Variants in CDK14 observed in about 807,000 individuals in gnomAD.
CDK14 encodes the protein cyclin dependent kinase 14.
A neutral mutation model predicts 60.7 loss-of-function variants in CDK14; 34 were observed. The observed-to-expected ratio is 0.56, with a 90% confidence interval of 0.43 to 0.75. CDK14 has a LOEUF of 0.75. Ranked by LOEUF, CDK14 falls within the 30% of genes least tolerant of loss-of-function variation. The pLI, the probability that CDK14 is intolerant of heterozygous loss-of-function variation, is 0.00. For synonymous variants in CDK14, 197 were observed against 203.7 expected, an observed-to-expected ratio of 0.97 and a Z score of 0.28; for missense variants, 482 against 564.1, an observed-to-expected ratio of 0.85 and a Z score of 1.47.
chr7:90,828,219 T>C (rs1238585219), intron 5 of CDK14, among the ~76,000 whole-genome samples: 1 of 152,166 alleles, frequency 6.6e-6, no homozygotes, highest in African/African-American at 2.4e-5. Context: ...TCTCTGGAAG[T>C]GGTGTTGTTA....
chr7:90,963,935 C>T (rs1241206272), intron 9 of CDK14, among the ~76,000 whole-genome samples: 6 of 152,000 alleles, frequency 3.9e-5, no homozygotes, highest in South Asian at 4.2e-4. Flanking sequence ...AGGCTGGTCT[C>T]GAACTCCTGA....
At chr7:91,198,119 A>T (rs1164200277) in intron 14 of CDK14, among the ~76,000 whole-genome samples, 1 of 152,188 alleles carries the variant, frequency 6.6e-6, no homozygotes, top group Non-Finnish European at 1.5e-5. Flanking sequence ...GATGTGCTAT[A>T]GTGGTATGCA....
At chr7:90,636,920 A>G (rs138189855) in intron 2 of CDK14, among the ~76,000 whole-genome samples, 131,325 of 149,170 alleles carry the variant, frequency 0.88, 57,943 homozygotes, top group African/African-American at 0.93. Flanking sequence ...GTTTATTTGC[A>G]TAGAGGTGTT....
intron 6 of CDK14, among the ~76,000 whole-genome samples, chr7:90,883,782 A>G (rs1791846175): frequency 6.6e-6 from 1 of 152,242 alleles, no homozygotes; most frequent in Admixed American, 6.5e-5. Context: ...GGCTGGCTTA[A>G]CATATGCAAA....
At chr7:91,161,854 G>T (rs1233947601) in intron 14 of CDK14, among the ~76,000 whole-genome samples, 1 of 152,130 alleles carries the variant, frequency 6.6e-6, no homozygotes, top group Non-Finnish European at 1.5e-5. Flanking sequence ...TAAAATATTA[G>T]TCTTAGACTT....
intron 9 of CDK14, among the ~76,000 whole-genome samples, chr7:90,963,417 A>C (rs979781544): frequency 6.6e-6 from 1 of 152,018 alleles, no homozygotes; most frequent in Non-Finnish European, 1.5e-5. Flanking sequence ...CTACAAAAAT[A>C]AAAAATTAAA....
intron 3 of CDK14, among the ~76,000 whole-genome samples, chr7:90,729,593 T>A (rs1226214856): frequency 2.0e-5 from 3 of 151,640 alleles, no homozygotes; most frequent in African/African-American, 7.3e-5. Context: ...TATTGTATTT[T>A]TTAGTTTCTT....
Position 91,111,140 on chromosome 7 carries a change from A to G in CDK14, c.1155-1402A>G, listed in dbSNP as rs375106447. ...TTGAACCCATTTGTGAGGCCTTCAC[A>G]TAACAAGATGTAGAGAGAAAGTCTC... On this transcript the variant is annotated intron_variant, in intron 12 of 14. Transcript: ENST00000380050. Among the ~76,000 whole-genome samples the G allele has an allele frequency of 1.5e-3, 230 of 152,314 alleles. 1 individual carries two copies. Among genetic ancestry groups the G allele is most frequent in the African/African-American group, 5.3e-3 (219 of 41,568 alleles).
chr7:90,792,198 C>CTTTT (rs35700270), intron 5 of CDK14, among the ~76,000 whole-genome samples: 3 of 143,546 alleles, frequency 2.1e-5, no homozygotes, highest in Non-Finnish European at 3.0e-5. Context: ...CTGTGCCTGC[C>CTTTT]TTTTTTTTTT....
intron 5 of CDK14, among the ~76,000 whole-genome samples, chr7:90,804,961 A>G (rs985666588): frequency 1.3e-5 from 2 of 152,078 alleles, no homozygotes; most frequent in African/African-American, 4.8e-5. Context: ...ATTTTCACCA[A>G]ATCTTATGTT....
intron 12 of CDK14, among the ~76,000 whole-genome samples, chr7:91,108,949 A>T (rs1490521736): frequency 6.6e-6 from 1 of 152,216 alleles, no homozygotes; most frequent in Non-Finnish European, 1.5e-5. Flanking sequence ...TTTTAGCAAA[A>T]TGTGTTTGTG....
At chr7:90,741,974 T>C (rs1408656682) in intron 3 of CDK14, among the ~76,000 whole-genome samples, 4 of 152,096 alleles carry the variant, frequency 2.6e-5, no homozygotes, top group Non-Finnish European at 5.9e-5. Context: ...GTTGAACCAT[T>C]TTTGAATTCA....
intron 4 of CDK14, 121 bp downstream of exon 4, chr7:90,747,896 T>TA: frequency 3.2e-6 from 1 of 312,584 alleles, no homozygotes; most frequent in Non-Finnish European, 5.3e-6. Flanking sequence ...CCTCACGGTA[T>TA]CCTTTTTTTT....
At chr7:90,823,727 G>GCC (rs1438232212) in intron 5 of CDK14, among the ~76,000 whole-genome samples, 1 of 152,132 alleles carries the variant, frequency 6.6e-6, no homozygotes, top group African/African-American at 2.4e-5. Flanking sequence ...GTGGTAACAT[G>GCC]CCCTCTCCCT....
chr7:91,135,015 T>C (rs1371493491), intron 14 of CDK14, among the ~76,000 whole-genome samples: 5 of 152,158 alleles, frequency 3.3e-5, no homozygotes, highest in African/African-American at 1.2e-4. Context: ...TGTATACATA[T>C]ATATTTCTGT....
At chr7:91,041,452 A>C (rs1486606799) in intron 10 of CDK14, among the ~76,000 whole-genome samples, 4 of 152,204 alleles carry the variant, frequency 2.6e-5, no homozygotes, top group Admixed American at 2.6e-4. Flanking sequence ...CATTGCCCTC[A>C]GCCCCCAAAC....
At chr7:90,836,045 C>T (rs1412835938) in intron 5 of CDK14, among the ~76,000 whole-genome samples, 1 of 152,130 alleles carries the variant, frequency 6.6e-6, no homozygotes, top group Non-Finnish European at 1.5e-5. Context: ...ATGGAGCTTG[C>T]AGGACTAGAA....
chr7:90,709,564 A>T (rs768655465), intron 2 of CDK14: 1 of 1,613,280 alleles, frequency 6.2e-7, no homozygotes, highest in South Asian at 1.1e-5. Flanking sequence ...TTTGGCTGCA[A>T]TGCTGCTGCA....
chr7:90,746,840 T>TATATATA (rs887759401), intron 3 of CDK14, among the ~76,000 whole-genome samples: 4 of 152,202 alleles, frequency 2.6e-5, no homozygotes, highest in Non-Finnish European at 5.9e-5. Context: ...AAGGATTGAT[T>TATATATA]TATGTATATA....
Sources: gnomAD v4.1 joint callset for allele counts (sites outside exome capture counted in the v4.1 genomes callset) on GRCh38, gnomAD v4.1.1 for gene constraint, MANE v1.5 for transcripts, NCBI Gene and HGNC (gene_info 2026-07-23, HGNC 2026-07-21) for gene names.